FHL5: variants seen among roughly 807,000 people sequenced by gnomAD.
FHL5 encodes four and a half LIM domains protein 5.
A neutral mutation model predicts 32.0 loss-of-function variants in FHL5; 33 were observed. The ratio of observed to expected loss-of-function variants is 1.03; its 90% CI spans 0.78 to 1.38. FHL5 has a LOEUF of 1.38. FHL5 is among the 40% of genes most tolerant of loss of function. The pLI is 0.00. For missense variants in FHL5, 336 were observed against 343.9 expected (o/e 0.98, Z 0.18); for synonymous variants, 114 against 113.6 (o/e 1.00, Z -0.02).
intron 1 of FHL5, among the ~76,000 whole-genome samples, chr6:96,572,555 G>T (rs778385236): frequency 5.3e-5 from 8 of 152,132 alleles, no homozygotes; most frequent in Non-Finnish European, 1.0e-4. Context: ...CTTGAGTAAG[G>T]CTCAGTCTAG....
At chr6:96,599,450 C>T (rs2127970578) in intron 1 of FHL5, among the ~76,000 whole-genome samples, 1 of 152,260 alleles carries the variant, frequency 6.6e-6, no homozygotes, top group East Asian at 1.9e-4. Flanking sequence ...CCACCTTGGC[C>T]TCCCAAAGTG....
chr6:96,573,743 G>T (rs182208192), intron 1 of FHL5, among the ~76,000 whole-genome samples: 1 of 151,410 alleles, frequency 6.6e-6, no homozygotes, highest in African/African-American at 2.4e-5. Flanking sequence ...AGTTGGTCTC[G>T]ATCTCCTGAC....
intron 4 of FHL5, among the ~76,000 whole-genome samples, chr6:96,609,949 G>A (rs56698553): frequency 0.016 from 2,477 of 152,252 alleles, 55 homozygotes; most frequent in African/African-American, 0.057. Flanking sequence ...TCCTTAGCAC[G>A]GTGGTAAGGA....
At chr6:96,571,229 A>C (rs1346667019) in intron 1 of FHL5, among the ~76,000 whole-genome samples, 1 of 152,168 alleles carries the variant, frequency 6.6e-6, no homozygotes, top group Non-Finnish European at 1.5e-5. Flanking sequence ...ATAGGTATAG[A>C]GATAGAGTCT....
At position 96,610,601 on chromosome 6, in the gene FHL5, T is replaced by C. The variant is rs146882451; in HGVS notation, c.534T>C (p.Cys178=). Residue 178 remains cysteine (C), a synonymous_variant, in exon 5 of 6, where the codon TGT becomes TGC. Transcript: ENST00000450218. ...TAACTTCAGGTGGGATAACATTTTG[T>C]GACCAGCTATGGCATAAAGAGTGTT... ...KVITSGGITF[C]DQLWHKECFL... is the part of the protein sequence containing the mutation. 2,421 of 1,614,000 alleles carry C rather than the reference T, an allele frequency of 1.5e-3. 4 individuals are homozygous for C. Among genetic ancestry groups the C allele is most frequent in the East Asian group, 3.8e-3 (169 of 44,876 alleles).
rs549969710 is a variant in FHL5 at position 96,613,914 on chromosome 6, C to T, written c.692-1695C>T. On this transcript the variant is annotated intron_variant, in intron 5 of 5. Coordinates refer to ENST00000450218, the MANE Select transcript of FHL5 (RefSeq NM_001322466.2). ...AGGACTTAGAATAGTAATTGGCACACAGTCAAGCACTCAACAAATGCCAGC... is the reference window on the plus strand; with the variant it reads ...AGGACTTAGAATAGTAATTGGCACATAGTCAAGCACTCAACAAATGCCAGC... 6.6e-5 allele frequency among the ~76,000 whole-genome samples: 10 copies of T among 152,312 alleles called. No individual in the cohort carries two copies. The East Asian group carries it at 1.9e-3, about 29-fold the overall frequency.
chr6:96,597,162 T>C (rs778934100), intron 1 of FHL5, among the ~76,000 whole-genome samples: 16 of 152,022 alleles, frequency 1.1e-4, no homozygotes, highest in Non-Finnish European at 2.1e-4. Context: ...TATCACTTGA[T>C]CTCACAGTCT....
intron 1 of FHL5, among the ~76,000 whole-genome samples, chr6:96,581,315 C>T (rs1300744572): frequency 6.6e-6 from 1 of 152,160 alleles, no homozygotes; most frequent in Non-Finnish European, 1.5e-5. Flanking sequence ...GCCATCTTGG[C>T]TTCATAGTAA....
At chr6:96,607,443 C>T (rs116336109) in intron 4 of FHL5, among the ~76,000 whole-genome samples, 1,636 of 152,070 alleles carry the variant, frequency 0.011, 30 homozygotes, top group African/African-American at 0.031. Context: ...AACTGTTTAA[C>T]ATACATAACC....
chr6:96,586,034 A>G (rs964692244), intron 1 of FHL5, among the ~76,000 whole-genome samples: 4 of 151,856 alleles, frequency 2.6e-5, no homozygotes, highest in Non-Finnish European at 4.4e-5. Context: ...GGAAGAAAGG[A>G]AAAAAAAGAA....
At chr6:96,594,963 ATG>A (rs2127968703) in intron 1 of FHL5, among the ~76,000 whole-genome samples, 2 of 152,094 alleles carry the variant, frequency 1.3e-5, no homozygotes, top group South Asian at 4.1e-4. Flanking sequence ...TAGTATTATT[ATG>A]TGTTTTTGAA....
At chr6:96,587,223 C>T in intron 1 of FHL5, among the ~76,000 whole-genome samples, 1 of 152,224 alleles carries the variant, frequency 6.6e-6, no homozygotes, top group Middle Eastern at 3.4e-3. Flanking sequence ...TCACAATGCC[C>T]CTGCTCATTT....
intron 1 of FHL5, among the ~76,000 whole-genome samples, chr6:96,591,639 T>C (rs1056914152): frequency 5.3e-5 from 8 of 152,150 alleles, no homozygotes; most frequent in African/African-American, 1.9e-4. Context: ...TCTAGCTTCC[T>C]TTTTTTTCTG....
chr6:96,609,304 C>T (rs909861621), intron 4 of FHL5, among the ~76,000 whole-genome samples: 7 of 152,142 alleles, frequency 4.6e-5, no homozygotes, highest in Admixed American at 4.6e-4. Flanking sequence ...GTTATAGGAA[C>T]CACCTCAGAT....
At chr6:96,580,070 T>C (rs1006614919) in intron 1 of FHL5, among the ~76,000 whole-genome samples, 1 of 152,206 alleles carries the variant, frequency 6.6e-6, no homozygotes, top group Admixed American at 6.5e-5. Flanking sequence ...AGAAACCGAA[T>C]ATATCTGGAG....
chr6:96,617,791 TATGCACATG>T lies in FHL5; in HGVS notation c.*2022_*2030del, dbSNP rs1199180606. On this transcript the variant is annotated 3_prime_UTR_variant, in exon 6 of 6. Coordinates refer to ENST00000450218, the MANE Select transcript of FHL5 (RefSeq NM_001322466.2). ...CATTTTACTGTGTGGGGGCAGTGAGTATGCACATGATCAGACTTGTATTCTAGCTTTACA... is the reference window on the plus strand; with the variant it reads ...CATTTTACTGTGTGGGGGCAGTGAGTATCAGACTTGTATTCTAGCTTTACA... Among the ~76,000 whole-genome samples, 13 of 152,322 alleles carry T rather than the reference TATGCACATG, an allele frequency of 8.5e-5. No homozygotes were observed. The South Asian group carries it at 2.7e-3, about 32-fold the overall frequency.
rs1771511533 is a variant in FHL5 at position 96,615,957 on chromosome 6, T to C, written c.*185T>C. ...CACAAAAAGCACAGTAGAACAGAAA[T>C]GAATATATGCTAAATCACAAAGACA... On this transcript the variant is annotated 3_prime_UTR_variant, in exon 6 of 6. Coordinates refer to ENST00000450218, the MANE Select transcript of FHL5 (RefSeq NM_001322466.2). 4.4e-6 allele frequency: 2 copies of C among 455,324 alleles called. No individual in the cohort carries two copies. Among genetic ancestry groups the C allele is most frequent in the Non-Finnish European group, 7.7e-6 (2 of 259,852 alleles). The allele number at this position is 455,324 out of a possible 1,614,324, so 28.2% of individuals were successfully genotyped here. A position where few individuals can be genotyped will look rare whatever the true frequency, so the allele number is the denominator to read the frequency against.
chr6:96,595,333 C>T (rs1382354378), intron 1 of FHL5, among the ~76,000 whole-genome samples: 1 of 151,644 alleles, frequency 6.6e-6, no homozygotes, highest in Admixed American at 6.6e-5. Context: ...ATCTGCATAT[C>T]TAATTGTTGG....
chr6:96,617,598 T>C lies in FHL5; in HGVS notation c.*1826T>C, dbSNP rs1053935567. Among the ~76,000 whole-genome samples, 1 of 152,142 alleles carries C rather than the reference T, an allele frequency of 6.6e-6. No homozygotes were observed. The highest frequency in any genetic ancestry group is 1.5e-5 in the Non-Finnish European group (1 of 68,010). ...TCTGCATTATATGAAATTTCACAGG[T>C]AGAACTAAATCTATGATATAGAAAA... On this transcript the variant is annotated 3_prime_UTR_variant, in exon 6 of 6. Coordinates refer to ENST00000450218, the MANE Select transcript of FHL5 (RefSeq NM_001322466.2).
Sources: gnomAD v4.1 joint callset for allele counts (sites outside exome capture counted in the v4.1 genomes callset) on GRCh38, gnomAD v4.1.1 for gene constraint, MANE v1.5 for transcripts, NCBI Gene and HGNC (gene_info 2026-07-23, HGNC 2026-07-21) for gene names.